The following FXR1 variants were observed in gnomAD, a reference collection of about 807,000 sequenced individuals.
FXR1 encodes FMR1 autosomal homolog 1, also known as RNA-binding protein FXR1.
Under a neutral mutation model 84.0 loss-of-function variants are expected in FXR1, and 15 were observed. The observed-to-expected ratio is 0.18, with a 90% confidence interval of 0.12 to 0.27. The LOEUF is 0.27. FXR1 is among the 10% of genes least tolerant of loss of function. The probability of loss-of-function intolerance (pLI) is 1.00; values close to 1 mark genes in which losing one functional copy is unlikely to be tolerated. For synonymous variants in FXR1, 245 were observed against 250.7 expected, an observed-to-expected ratio of 0.98 and a Z score of 0.21; for missense variants, 480 against 774.4, an observed-to-expected ratio of 0.62 and a Z score of 4.51.
chr3:180,914,750 A>T (rs949873781), intron 1 of FXR1: 124 of 908,116 alleles, frequency 1.4e-4, no homozygotes, highest in Non-Finnish European at 1.6e-4. Flanking sequence ...TTCTACTTAG[A>T]CTTTGACTCC....
intron 1 of FXR1, among the ~76,000 whole-genome samples, chr3:180,919,517 CA>C (rs1185793387): frequency 6.6e-6 from 1 of 151,964 alleles, no homozygotes; most frequent in African/African-American, 2.4e-5. Context: ...CTCCTAACCT[CA>C]AATGTTCCAC....
intron 1 of FXR1, chr3:180,927,643 C>T (rs1298351541): frequency 1.8e-6 from 1 of 563,690 alleles, no homozygotes. Flanking sequence ...TTTTTTCCCC[C>T]ACAGGCCATT....
chr3:180,926,350 TATG>T (rs1719176175), intron 1 of FXR1, among the ~76,000 whole-genome samples: 1 of 151,800 alleles, frequency 6.6e-6, no homozygotes, highest in African/African-American at 2.4e-5. Context: ...GAACTAGAGG[TATG>T]ATTCCTGACA....
intron 2 of FXR1, among the ~76,000 whole-genome samples, chr3:180,933,953 A>C (rs1720233350): frequency 6.7e-6 from 1 of 150,342 alleles, no homozygotes; most frequent in South Asian, 2.1e-4. Flanking sequence ...CTACTAAAAA[A>C]TACAAAAAAA....
intron 9 of FXR1, among the ~76,000 whole-genome samples, chr3:180,956,710 A>G (rs1722772935): frequency 6.6e-6 from 1 of 150,796 alleles, no homozygotes; most frequent in African/African-American, 2.4e-5. Flanking sequence ...TTTTTTTAAC[A>G]TGTTCAATTG....
In FXR1 at chr3:180,976,970, C is replaced by G. The variant is rs1240421056; in HGVS notation, c.*678C>G. 3 of 152,310 alleles carry G rather than the reference C, an allele frequency of 2.0e-5. No homozygotes were observed. Among genetic ancestry groups the G allele is most frequent in the Admixed American group, 6.6e-5 (1 of 15,248 alleles). 9.4% of individuals were successfully genotyped at this position (152,310 alleles called of 1,614,324 possible). A position where few individuals can be genotyped will look rare whatever the true frequency, so the allele number is the denominator to read the frequency against. ...AGTTAAAACACTAAGCTGAATTAGTCATGTCCATTCAGACATAACCTGAAC... is the reference window on the plus strand; with the variant it reads ...AGTTAAAACACTAAGCTGAATTAGTGATGTCCATTCAGACATAACCTGAAC... On this transcript the variant is annotated 3_prime_UTR_variant, in exon 17 of 17. Transcript: ENST00000357559.
rs2108490908 is a variant in FXR1 at position 180,968,171 on chromosome 3, G to A, written c.1319G>A (p.Arg440Lys). The change falls in exon 14 of 17, where the codon AGA (arginine) becomes AAA (lysine). Residue 440 changes from arginine to lysine, a missense_variant. Around this residue, in one of 6 missense-constraint regions of FXR1, gnomAD observed 157 missense variants for 227.8 expected, o/e 0.69. Coordinates refer to ENST00000357559, the MANE Select transcript of FXR1 (RefSeq NM_005087.4). ...AGCCGACATCAGCGTGACAGCAGGA[G>A]ACGCCCAGGAGGAAGAGGCAGAAGT... is the stretch of plus-strand genomic sequence containing the variant. ...RDSRHQRDSR[R>K]RPGGRGRSVS... is the part of the protein sequence containing the mutation. 1 of 1,613,972 alleles carries A rather than the reference G, an allele frequency of 6.2e-7. No individual in the cohort carries two copies. Among genetic ancestry groups the A allele is most frequent in the Non-Finnish European group, 8.5e-7 (1 of 1,179,828 alleles).
chr3:180,939,029 G>A (rs917596627), intron 3 of FXR1, among the ~76,000 whole-genome samples: 2 of 151,992 alleles, frequency 1.3e-5, no homozygotes, highest in Admixed American at 1.3e-4. Flanking sequence ...TGAGTAGCTG[G>A]AATTACAGGT....
chr3:180,938,609 T>C lies in FXR1; in HGVS notation c.198+3378T>C, dbSNP rs185651078. ...TGTTGCTCAGGCTGGAGTGCAATGGTGCGATCTCGGCTCACTACAACCTCC... is the reference window on the plus strand; with the variant it reads ...TGTTGCTCAGGCTGGAGTGCAATGGCGCGATCTCGGCTCACTACAACCTCC... On this transcript the variant is annotated intron_variant, in intron 3 of 16. Coordinates refer to ENST00000357559, the MANE Select transcript of FXR1 (RefSeq NM_005087.4). Among the ~76,000 whole-genome samples, 736 of 152,246 alleles carry C rather than the reference T, an allele frequency of 4.8e-3. 11 individuals are homozygous for C. Among genetic ancestry groups the C allele is most frequent in the African/African-American group, 0.017 (710 of 41,550 alleles).
At chr3:180,963,971 A>ATT in intron 13 of FXR1, among the ~76,000 whole-genome samples, 1 of 152,304 alleles carries the variant, frequency 6.6e-6, no homozygotes, top group African/African-American at 2.4e-5. Flanking sequence ...AATGTAAGGC[A>ATT]TTTAAGGAAA....
At chr3:180,967,026 T>C (rs886573401) in intron 13 of FXR1, among the ~76,000 whole-genome samples, 2 of 152,178 alleles carry the variant, frequency 1.3e-5, no homozygotes, top group East Asian at 3.9e-4. Context: ...TTAGAAATGG[T>C]CTGTAAACTT....
intron 8 of FXR1, among the ~76,000 whole-genome samples, chr3:180,952,412 A>G (rs1052638423): frequency 5.3e-5 from 8 of 152,180 alleles, no homozygotes; most frequent in Admixed American, 2.0e-4. Context: ...AAGAAGACAG[A>G]CAGACACGGT....
Position 180,951,487 on chromosome 3 carries a change from GC to G in FXR1, c.801+21del, listed in dbSNP as rs1195482913. 5.7e-6 allele frequency: 9 copies of G among 1,568,942 alleles called. No individual in the cohort carries two copies. The South Asian group carries it at 9.1e-5, about 16-fold the overall frequency. On this transcript the variant is annotated intron_variant, in intron 8 of 16. Coordinates refer to ENST00000357559, the MANE Select transcript of FXR1 (RefSeq NM_005087.4). ...CGGAGAGGTAAGTTCTCTTTCTCCT[GC>G]CTTGGCCTTTAGTGTATTAACCATC... is the stretch of plus-strand genomic sequence containing the variant.
intron 3 of FXR1, among the ~76,000 whole-genome samples, chr3:180,945,910 TACATCGTTTGAGAAATACATTGAGA>T (rs1721646885): frequency 6.6e-6 from 1 of 151,522 alleles, no homozygotes; most frequent in South Asian, 2.1e-4. Flanking sequence ...GTTTGAGAAA[TACATCGTTTGAGAAATACATTGAGA>T]ACATTCATCT....
chr3:180,978,597 T>C lies in FXR1; in HGVS notation c.*2305T>C, dbSNP rs1362551676. On this transcript the variant is annotated 3_prime_UTR_variant, in exon 17 of 17. Coordinates refer to ENST00000357559, the MANE Select transcript of FXR1 (RefSeq NM_005087.4). The stretch of plus-strand genomic sequence containing the variant: ...AACAGACACTTAAGCAAAAGATGTA[T>C]TCTGGAGCCTGGCACAGTAGCTTAT... 6 of 152,054 alleles carry C rather than the reference T, an allele frequency of 3.9e-5. No homozygotes were observed. 9.4% of individuals were successfully genotyped at this position (152,054 alleles called of 1,614,324 possible).
At chr3:180,965,683 G>T (rs1239010850) in intron 13 of FXR1, among the ~76,000 whole-genome samples, 2 of 152,108 alleles carry the variant, frequency 1.3e-5, no homozygotes, top group Non-Finnish European at 2.9e-5. Flanking sequence ...CTATCTCAAG[G>T]TCCTTAACCT....
At chr3:180,935,892 TTTTA>T (rs1282808019) in intron 3 of FXR1, among the ~76,000 whole-genome samples, 1 of 151,750 alleles carries the variant, frequency 6.6e-6, no homozygotes, top group East Asian at 1.9e-4. Context: ...TTTTATTTTA[TTTTA>T]TTTATTTATT....
intron 1 of FXR1, among the ~76,000 whole-genome samples, chr3:180,916,845 T>G (rs1168958241): frequency 6.6e-6 from 1 of 152,134 alleles, no homozygotes; most frequent in African/African-American, 2.4e-5. Context: ...TACATTTTTT[T>G]GTTTTCTTGA....
rs1036975515 is a variant in FXR1, at chr3:180,951,236, C to T, written c.631-62C>T. ...AGACCCTGTCTGGAAAAAAACCAAA[C>T]CATACAAAAAAGCCATTTTGTATTT... On this transcript the variant is annotated intron_variant, in intron 7 of 16. Coordinates refer to ENST00000357559, the MANE Select transcript of FXR1 (RefSeq NM_005087.4). 7.9e-5 allele frequency: 83 copies of T among 1,046,650 alleles called. 1 individual carries two copies. The East Asian group carries it at 2.0e-3, about 25-fold the overall frequency. 64.8% of individuals were successfully genotyped at this position (1,046,650 alleles called of 1,614,324 possible).
Sources: gnomAD v4.1 joint callset for allele counts (sites outside exome capture counted in the v4.1 genomes callset) on GRCh38, gnomAD v4.1.1 for gene constraint, gnomAD v4.1.1 regional missense constraint, MANE v1.5 for transcripts, NCBI Gene and HGNC (gene_info 2026-07-23, HGNC 2026-07-21) for gene names.